The following CSMD1 variants were observed in gnomAD, a reference collection of about 807,000 sequenced individuals.
CSMD1 encodes CUB and sushi domain-containing protein 1.
Under a neutral mutation model 417.5 loss-of-function variants are expected in CSMD1, and 213 were observed. The ratio of observed to expected loss-of-function variants is 0.51; its 90% CI spans 0.46 to 0.57. CSMD1 has a LOEUF of 0.57. CSMD1 is among the 20% of genes least tolerant of loss of function. CSMD1 has a pLI of 0.00. For missense variants in CSMD1, 6,923 were observed against 4,529.7 expected (o/e 1.53, Z -15.17); for synonymous variants, 2,862 against 1,736.8 (o/e 1.65, Z -16.11).
intron 2 of CSMD1, among the ~76,000 whole-genome samples, chr8:4,620,065 A>G (rs900758510): frequency 1.3e-5 from 2 of 152,020 alleles, no homozygotes; most frequent in Non-Finnish European, 2.9e-5. Flanking sequence ...AATATTTATT[A>G]ACACAATAAA....
chr8:3,883,635 T>G (rs1443670522), intron 5 of CSMD1, among the ~76,000 whole-genome samples: 2 of 152,172 alleles, frequency 1.3e-5, no homozygotes, highest in East Asian at 3.9e-4. Flanking sequence ...ATTATTAAAA[T>G]TGATATCAAT....
chr8:3,779,571 C>G (rs760901849), intron 5 of CSMD1, among the ~76,000 whole-genome samples: 3 of 152,100 alleles, frequency 2.0e-5, no homozygotes, highest in Non-Finnish European at 4.4e-5. Flanking sequence ...GCTCAAATAT[C>G]CAAAAGCAAT....
Position 4,435,246 on chromosome 8 carries a change from G to A in CSMD1, c.303-15181C>T, listed in dbSNP as rs528821966. 2.9e-4 allele frequency among the ~76,000 whole-genome samples: 44 copies of A among 152,238 alleles called. No individual in the cohort carries two copies. In the South Asian group the frequency reaches 7.1e-3, roughly 24 times the overall value. On this transcript the variant is annotated intron_variant, in intron 2 of 69. Transcript: ENST00000635120. ...TGGAAAATTAAACCTTGAAAAAAATGTATGTTTTATAAGTACTTTGTTAAT... is the reference window on the plus strand; with the variant it reads ...TGGAAAATTAAACCTTGAAAAAAATATATGTTTTATAAGTACTTTGTTAAT...
intron 7 of CSMD1, among the ~76,000 whole-genome samples, chr8:3,677,530 T>G (rs914499911): frequency 6.6e-6 from 1 of 152,100 alleles, no homozygotes; most frequent in Admixed American, 6.6e-5. Context: ...GTCCCCAGGG[T>G]GGCTGGGCTC....
chr8:4,321,491 A>T (rs142957816), intron 3 of CSMD1, among the ~76,000 whole-genome samples: 2 of 152,274 alleles, frequency 1.3e-5, no homozygotes, highest in African/African-American at 4.8e-5. Context: ...CAAGTTAGAC[A>T]AACAAACCCA....
chr8:4,380,781 A>G (rs976844445), intron 3 of CSMD1, among the ~76,000 whole-genome samples: 2 of 149,392 alleles, frequency 1.3e-5, no homozygotes, highest in African/African-American at 2.4e-5. Context: ...AACAAAAAGT[A>G]TATTTAAAAA....
intron 3 of CSMD1, among the ~76,000 whole-genome samples, chr8:4,339,362 A>G (rs1800348745): frequency 6.6e-6 from 1 of 152,130 alleles, no homozygotes; most frequent in Non-Finnish European, 1.5e-5. Context: ...TGGTCAAATA[A>G]TGAATCTATT....
chr8:4,348,169 G>C (rs905625435), intron 3 of CSMD1, among the ~76,000 whole-genome samples: 1 of 152,138 alleles, frequency 6.6e-6, no homozygotes, highest in Non-Finnish European at 1.5e-5. Context: ...CATATTTACT[G>C]CATATGATCT....
intron 5 of CSMD1, among the ~76,000 whole-genome samples, chr8:3,981,093 A>G (rs907446975): frequency 2.6e-5 from 4 of 152,214 alleles, no homozygotes; most frequent in African/African-American, 9.6e-5. Context: ...AGGACTTGCT[A>G]TTTGCATAAT....
At chr8:4,861,934 G>A (rs959941756) in intron 1 of CSMD1, among the ~76,000 whole-genome samples, 16 of 152,052 alleles carry the variant, frequency 1.1e-4, no homozygotes, top group African/African-American at 3.1e-4. Flanking sequence ...ATTTCAAAAC[G>A]GGGATGCAAC....
intron 26 of CSMD1, among the ~76,000 whole-genome samples, chr8:3,282,781 C>G (rs534038492): frequency 1.3e-5 from 2 of 152,260 alleles, no homozygotes; most frequent in East Asian, 3.9e-4. Flanking sequence ...AGACTATAAC[C>G]TCAATTATAT....
chr8:3,804,455 C>G (rs915124796), intron 5 of CSMD1, among the ~76,000 whole-genome samples: 1 of 152,080 alleles, frequency 6.6e-6, no homozygotes, highest in African/African-American at 2.4e-5. Flanking sequence ...ATTGACATGA[C>G]TTACTATAAT....
chr8:4,454,659 A>G (rs1799361757), intron 2 of CSMD1, among the ~76,000 whole-genome samples: 1 of 152,202 alleles, frequency 6.6e-6, no homozygotes, highest in African/African-American at 2.4e-5. Flanking sequence ...GCAGCCTTCC[A>G]GGTCCTATTA....
At chr8:3,526,349 T>A (rs184149594) in intron 10 of CSMD1, among the ~76,000 whole-genome samples, 1 of 152,246 alleles carries the variant, frequency 6.6e-6, no homozygotes, top group African/African-American at 2.4e-5. Flanking sequence ...ACACTCCAAA[T>A]CCCTTTGGTG....
intron 20 of CSMD1, 70 bp downstream of exon 20, chr8:3,366,962 A>G: frequency 8.4e-7 from 1 of 1,190,532 alleles, no homozygotes; most frequent in Admixed American, 1.9e-5. Context: ...ACACACCCAC[A>G]CACATTCTCA....
intron 5 of CSMD1, among the ~76,000 whole-genome samples, chr8:3,922,561 G>T (rs1809350585): frequency 6.6e-6 from 1 of 151,592 alleles, no homozygotes; most frequent in Non-Finnish European, 1.5e-5. Flanking sequence ...TTTGATTTTT[G>T]TTCATGGTTA....
At chr8:3,766,842 T>A (rs1351562193) in intron 5 of CSMD1, among the ~76,000 whole-genome samples, 1 of 151,814 alleles carries the variant, frequency 6.6e-6, no homozygotes, top group Non-Finnish European at 1.5e-5. Context: ...CTGAAATGAG[T>A]CTACCATTTT....
At chr8:3,829,858 C>A (rs560188584) in intron 5 of CSMD1, among the ~76,000 whole-genome samples, 2 of 151,980 alleles carry the variant, frequency 1.3e-5, no homozygotes, top group Non-Finnish European at 2.9e-5. Context: ...AATATTAATC[C>A]GCTTAGAAAA....
chr8:3,310,035 G>A (rs1169566114), intron 23 of CSMD1, among the ~76,000 whole-genome samples: 2 of 152,138 alleles, frequency 1.3e-5, no homozygotes, highest in East Asian at 1.9e-4. Flanking sequence ...TCAGATGCCT[G>A]GAATTCAAGA....
Sources: allele counts gnomAD v4.1 joint callset (sites outside exome capture counted in the v4.1 genomes callset), GRCh38; gene constraint gnomAD v4.1.1; transcripts MANE v1.5; gene names NCBI Gene and HGNC (gene_info 2026-07-23, HGNC 2026-07-21).